Variants in LMF1 observed in about 807,000 individuals in gnomAD.
LMF1 encodes the protein lipase maturation factor 1.
A neutral mutation model predicts 60.6 loss-of-function variants in LMF1; 68 were observed. That is an observed-to-expected ratio of 1.12 (90% CI 0.92 to 1.37). LMF1 has a LOEUF of 1.37. LMF1 is among the 40% of genes most tolerant of loss of function. The pLI, the probability that LMF1 is intolerant of heterozygous loss-of-function variation, is 0.00. For synonymous variants in LMF1, 418 were observed against 324.7 expected, an observed-to-expected ratio of 1.29 and a Z score of -3.09; for missense variants, 948 against 767.2, an observed-to-expected ratio of 1.24 and a Z score of -2.78.
chr16:973,623 C>T (rs951025472), upstream of LMF1, among the ~76,000 whole-genome samples: 13 of 152,186 alleles, frequency 8.5e-5, no homozygotes, highest in African/African-American at 3.1e-4. Context: ...GATGGCTGCC[C>T]AGCACTGTGA....
intron 3 of LMF1, among the ~76,000 whole-genome samples, chr16:912,395 C>G (rs771118931): frequency 6.6e-6 from 1 of 152,196 alleles, no homozygotes; most frequent in East Asian, 1.9e-4. Flanking sequence ...TGCAACTCAT[C>G]TCTACCTGAG....
At chr16:856,828 C>A (rs1365516603) in intron 10 of LMF1, among the ~76,000 whole-genome samples, 1 of 152,158 alleles carries the variant, frequency 6.6e-6, no homozygotes, top group Non-Finnish European at 1.5e-5. Flanking sequence ...ATCTCCCAGC[C>A]CTTTTGAAAT....
At chr16:941,126 G>A (rs1169263072) in intron 2 of LMF1, among the ~76,000 whole-genome samples, 1 of 152,058 alleles carries the variant, frequency 6.6e-6, no homozygotes, top group Non-Finnish European at 1.5e-5. Flanking sequence ...TATTTATGTA[G>A]TCTATCCTTC....
intron 9 of LMF1, 42 bp from the exon 10 acceptor site, chr16:869,098 T>G (rs1463856509): frequency 1.5e-6 from 2 of 1,312,268 alleles, no homozygotes; most frequent in African/African-American, 1.4e-5. Context: ...TGCCACTCGC[T>G]GTCCAGGCAC....
intron 10 of LMF1, among the ~76,000 whole-genome samples, chr16:860,325 C>T (rs891512058): frequency 1.3e-5 from 2 of 151,134 alleles, no homozygotes; most frequent in Admixed American, 1.3e-4. Context: ...CAAAGATTTT[C>T]TTCTATTTTT....
intron 5 of LMF1, among the ~76,000 whole-genome samples, chr16:881,913 G>A (rs571447822): frequency 6.6e-5 from 10 of 152,310 alleles, no homozygotes; most frequent in African/African-American, 1.7e-4. Context: ...GAGCTCTGAC[G>A]GGGAGGGGAG....
intron 10 of LMF1, among the ~76,000 whole-genome samples, chr16:862,701 T>G (rs2069500140): frequency 6.6e-6 from 1 of 151,788 alleles, no homozygotes; most frequent in African/African-American, 2.4e-5. Flanking sequence ...CTACAAAAAC[T>G]AAAAAAATTA....
chr16:857,467 ACGGG>A, intron 10 of LMF1, among the ~76,000 whole-genome samples: 1 of 112,996 alleles, frequency 8.8e-6, no homozygotes, highest in African/African-American at 3.7e-5. Context: ...GTGTCTCGGG[ACGGG>A]TGTGAGTGGT....
chr16:981,345 AGAGTGTGTGTGTGTGTGTGTGT>A (rs2073367965), upstream of LMF1: 2 of 187,188 alleles, frequency 1.1e-5, no homozygotes, highest in African/African-American at 1.0e-4. Flanking sequence ...AGAGAGAGAG[AGAGTGTGTGTGTGTGTGTGTGT>A]GTGTGTGTGT....
chr16:854,231 G>A lies in LMF1; in HGVS notation c.*301C>T, dbSNP rs557856671. ...CAGGATGGCCATTGTCTCAACTCCT[G>A]TGGGCGGCACAGCCCCAGGCTGGGC... On this transcript the variant is annotated 3_prime_UTR_variant, in exon 11 of 11. Transcript: ENST00000262301. 69 of 607,230 alleles carry A rather than the reference G, an allele frequency of 1.1e-4. No individual in the cohort carries two copies. The East Asian group carries it at 2.3e-3, about 20-fold the overall frequency. The allele number at this position is 607,230 out of a possible 1,614,324, so 37.6% of individuals were successfully genotyped here.
At chr16:909,977 G>GA (rs1203578537) in intron 4 of LMF1, among the ~76,000 whole-genome samples, 2 of 152,200 alleles carry the variant, frequency 1.3e-5, no homozygotes. Flanking sequence ...AATCCTCCAC[G>GA]AAACACTTAA....
At chr16:963,396 GTGTA>G (rs573734662) in intron 1 of LMF1, among the ~76,000 whole-genome samples, 6 of 152,144 alleles carry the variant, frequency 3.9e-5, no homozygotes, top group African/African-American at 1.4e-4. Flanking sequence ...GTGTCCCTGT[GTGTA>G]TGTGTCTGTA....
intron 10 of LMF1, among the ~76,000 whole-genome samples, chr16:857,948 C>A (rs577667893): frequency 4.4e-4 from 11 of 24,990 alleles, no homozygotes; most frequent in Non-Finnish European, 4.7e-4. Context: ...CGTGGTGTCT[C>A]GGGATGGGTG....
At chr16:883,952 CTGCTT>C (rs1359847773) in intron 5 of LMF1, 1 of 152,080 alleles carries the variant, frequency 6.6e-6, no homozygotes, top group Non-Finnish European at 1.5e-5. Flanking sequence ...TTCTATCTAC[CTGCTT>C]TATCTATTAT....
chr16:881,235 C>T (rs2070154756), intron 5 of LMF1, among the ~76,000 whole-genome samples: 1 of 152,124 alleles, frequency 6.6e-6, no homozygotes, highest in Non-Finnish European at 1.5e-5. Flanking sequence ...CAGTGCACCC[C>T]AAGAGCCGTG....
At chr16:977,837 A>C (rs983083201) in intron 1 of LMF1, among the ~76,000 whole-genome samples, 1 of 149,294 alleles carries the variant, frequency 6.7e-6, no homozygotes, top group Admixed American at 6.7e-5. Context: ...ACACACACAC[A>C]CCATACACAT....
At chr16:951,500 G>A (rs1182992882) in intron 2 of LMF1, among the ~76,000 whole-genome samples, 1 of 152,254 alleles carries the variant, frequency 6.6e-6, no homozygotes, top group Non-Finnish European at 1.5e-5. Flanking sequence ...CAGAGTCAGA[G>A]TCCTCTCTAA....
chr16:920,289 C>G (rs927852691), intron 3 of LMF1, among the ~76,000 whole-genome samples: 1 of 152,258 alleles, frequency 6.6e-6, no homozygotes, highest in Non-Finnish European at 1.5e-5. Context: ...ACATTCCCCT[C>G]TCTACACACC....
intron 6 of LMF1, among the ~76,000 whole-genome samples, chr16:875,991 G>A (rs1438307756): frequency 2.0e-5 from 3 of 147,214 alleles, no homozygotes; most frequent in Non-Finnish European, 4.4e-5. Flanking sequence ...CTCCATTCAG[G>A]CTGGACACCC....
Sources: allele counts gnomAD v4.1 joint callset (sites outside exome capture counted in the v4.1 genomes callset), GRCh38; gene constraint gnomAD v4.1.1; transcripts MANE v1.5; gene names NCBI Gene and HGNC (gene_info 2026-07-23, HGNC 2026-07-21).